CBFA2T3: variants seen among roughly 807,000 people sequenced by gnomAD.
The protein encoded by CBFA2T3 is transcriptional corepressor CBFA2T3.
CBFA2T3 carries 31 observed loss-of-function variants against 58.6 expected under a neutral mutation model. That is an observed-to-expected ratio of 0.53 (90% CI 0.40 to 0.71). The LOEUF is 0.71. CBFA2T3 is among the 30% of genes least tolerant of loss of function. The pLI, the probability that CBFA2T3 is intolerant of heterozygous loss-of-function variation, is 0.00. For synonymous variants in CBFA2T3, 531 were observed against 421.9 expected, an observed-to-expected ratio of 1.26 and a Z score of -3.17; for missense variants, 1,076 against 963.1, an observed-to-expected ratio of 1.12 and a Z score of -1.55.
At chr16:88,908,341 C>CA (rs758798172) in intron 1 of CBFA2T3, among the ~76,000 whole-genome samples, 5,251 of 128,846 alleles carry the variant, frequency 0.041, 113 homozygotes, top group African/African-American at 0.085. Flanking sequence ...GACTCTGTTT[C>CA]AAAAAAAAAA....
chr16:88,966,339 T>TG lies in CBFA2T3; in HGVS notation c.151+10317_151+10318insC, dbSNP rs1972502764. On this transcript the variant is annotated intron_variant, in intron 1 of 11. Coordinates refer to ENST00000268679, the MANE Select transcript of CBFA2T3 (RefSeq NM_005187.6). ...GGCAGGAGTGAGGCCTGTGCCGGGG[T>TG]AGGGGGGTGGCAGCCCCTGTGAGTG... Among the ~76,000 whole-genome samples the TG allele has an allele frequency of 3.5e-4, 53 of 151,782 alleles. 3 individuals are homozygous for TG.
chr16:88,920,728 G>A (rs1970886224), intron 1 of CBFA2T3, among the ~76,000 whole-genome samples: 1 of 152,228 alleles, frequency 6.6e-6, no homozygotes, highest in African/African-American at 2.4e-5. Flanking sequence ...CCGTGGGGCA[G>A]CCACACCTGC....
At chr16:88,925,209 C>T (rs1021850748) in intron 1 of CBFA2T3, among the ~76,000 whole-genome samples, 1 of 152,228 alleles carries the variant, frequency 6.6e-6, no homozygotes, top group African/African-American at 2.4e-5. Context: ...CCTCTCCCAG[C>T]CCCCGGCCTT....
At chr16:88,927,723 C>G (rs1003945766) in intron 1 of CBFA2T3, among the ~76,000 whole-genome samples, 27 of 152,318 alleles carry the variant, frequency 1.8e-4, no homozygotes, top group African/African-American at 6.5e-4. Flanking sequence ...TCCTCCTCCC[C>G]AGGCCCCGGA....
chr16:88,881,572 C>G, intron 8 of CBFA2T3, 83 bp from the exon 9 acceptor site: 1 of 1,433,702 alleles, frequency 7.0e-7, no homozygotes, highest in Non-Finnish European at 9.5e-7. Context: ...GGCCAGAGCC[C>G]CGGACAGGAT....
Position 88,876,991 on chromosome 16 carries a change from G to A in CBFA2T3, c.1947C>T (p.Asp649=). 6.9e-7 allele frequency: 1 copy of A among 1,457,666 alleles called. No individual in the cohort carries two copies. The highest frequency in any genetic ancestry group is 9.0e-7 in the Non-Finnish European group (1 of 1,110,632). 90.3% of individuals were successfully genotyped at this position (1,457,666 alleles called of 1,614,324 possible). A position where few individuals can be genotyped will look rare whatever the true frequency, so the allele number is the denominator to read the frequency against. ...GCCAGTGGGGTCAGCGGGGCACGGT[G>A]TCCAGTGGGCCAGGTGGGCTGGGGG... ...PGSPSPPGPL[D]TVPR Residue 649 remains aspartate (D), a synonymous_variant, in exon 12 of 12, where the codon GAC becomes GAT. Coordinates refer to ENST00000268679, the MANE Select transcript of CBFA2T3 (RefSeq NM_005187.6).
chr16:88,926,278 A>G (rs501671), intron 1 of CBFA2T3, among the ~76,000 whole-genome samples: 21,031 of 152,170 alleles, frequency 0.14, 3,389 homozygotes, highest in African/African-American at 0.39. Context: ...AGGGAGTTCC[A>G]GCACCTAAAA....
chr16:88,908,987 C>G (rs1042475254), intron 1 of CBFA2T3, among the ~76,000 whole-genome samples: 1 of 149,296 alleles, frequency 6.7e-6, no homozygotes, highest in African/African-American at 2.6e-5. Context: ...CCGATCCTCT[C>G]CGTGGGTTTG....
chr16:88,876,197 C>G lies in CBFA2T3; in HGVS notation c.*779G>C, dbSNP rs1968822746. 1 of 231,744 alleles carries G rather than the reference C, an allele frequency of 4.3e-6. No homozygotes were observed. The highest frequency in any genetic ancestry group is 8.6e-6 in the Non-Finnish European group (1 of 116,926). The allele number at this position is 231,744 out of a possible 1,614,324, so 14.4% of individuals were successfully genotyped here. Reference sequence around the variant, plus strand: ...AGGTGTGTCCGGTATCCTTGGCTGGCTAGCTAGCAAGGTAGTTCACAAGTA... The same window carrying G: ...AGGTGTGTCCGGTATCCTTGGCTGGGTAGCTAGCAAGGTAGTTCACAAGTA... On this transcript the variant is annotated 3_prime_UTR_variant, in exon 12 of 12. Coordinates refer to ENST00000268679, the MANE Select transcript of CBFA2T3 (RefSeq NM_005187.6).
intron 1 of CBFA2T3, among the ~76,000 whole-genome samples, chr16:88,920,101 G>A (rs1970862812): frequency 6.6e-6 from 1 of 152,204 alleles, no homozygotes; most frequent in Non-Finnish European, 1.5e-5. Context: ...GAAAGGGTCA[G>A]GCGGTGTGCG....
intron 1 of CBFA2T3, among the ~76,000 whole-genome samples, chr16:88,924,950 AG>A (rs1971037459): frequency 6.6e-6 from 1 of 152,230 alleles, no homozygotes; most frequent in African/African-American, 2.4e-5. Context: ...GGGTGCAGAC[AG>A]TGAAAACTGA....
At chr16:88,882,574 G>GT (rs35438137) in intron 8 of CBFA2T3, 102 bp downstream of exon 8, 66 of 412,822 alleles carry the variant, frequency 1.6e-4, no homozygotes, top group Middle Eastern at 1.5e-3. Context: ...GCATGGCTGT[G>GT]GGCGTGGCTG....
Position 88,967,002 on chromosome 16 carries a change from A to G in CBFA2T3, c.151+9655T>C, listed in dbSNP as rs1972521656. 2.0e-5 allele frequency among the ~76,000 whole-genome samples: 3 copies of G among 152,216 alleles called. No individual in the cohort carries two copies. The South Asian group carries it at 6.2e-4, about 31-fold the overall frequency. On this transcript the variant is annotated intron_variant, in intron 1 of 11. Transcript: ENST00000268679. ...GAAACCATGTGGGCCCCAGGGGACG[A>G]GGGAAAGCATCCTTGATTGAAGCAT...
Position 88,897,341 on chromosome 16 carries a change from C to T in CBFA2T3, c.379+737G>A, listed in dbSNP as rs372050657. Among the ~76,000 whole-genome samples, 87 of 152,336 alleles carry T rather than the reference C, an allele frequency of 5.7e-4. No homozygotes were observed. The East Asian group carries it at 0.011, about 19-fold the overall frequency. On this transcript the variant is annotated intron_variant, in intron 3 of 11. Transcript: ENST00000268679. ...CTCGTTCTTAGAGCCGGGAGTGCCA[C>T]GACAGCCACACCTGGGCCATGCTGC...
At chr16:88,891,225 G>A (rs1010640915) in intron 5 of CBFA2T3, among the ~76,000 whole-genome samples, 1 of 151,932 alleles carries the variant, frequency 6.6e-6, no homozygotes, top group African/African-American at 2.4e-5. Flanking sequence ...CAGTCACACT[G>A]ACCCCTCTGC....
intron 11 of CBFA2T3, 23 bp downstream of exon 11, chr16:88,879,247 T>C: frequency 4.5e-6 from 7 of 1,569,900 alleles, no homozygotes; most frequent in Non-Finnish European, 6.1e-6. Context: ...GGGATGGGTG[T>C]CAGCGTGGCC....
intron 1 of CBFA2T3, among the ~76,000 whole-genome samples, chr16:88,931,870 G>T (rs1971318348): frequency 6.6e-6 from 1 of 152,140 alleles, no homozygotes; most frequent in Non-Finnish European, 1.5e-5. Flanking sequence ...AGGGGATGGG[G>T]AGGAGGGTTT....
At chr16:88,974,485 GC>G (rs1254843768) in intron 1 of CBFA2T3, among the ~76,000 whole-genome samples, 1 of 152,034 alleles carries the variant, frequency 6.6e-6, no homozygotes, top group East Asian at 1.9e-4. Context: ...GAGACGAGGG[GC>G]TGAGGTCCTC....
intron 1 of CBFA2T3, among the ~76,000 whole-genome samples, chr16:88,921,900 A>T (rs1157108999): frequency 6.6e-6 from 1 of 152,122 alleles, no homozygotes; most frequent in Non-Finnish European, 1.5e-5. Flanking sequence ...GGGAATGGGG[A>T]CGCCTCACCC....
Sources: gnomAD v4.1 joint callset for allele counts (sites outside exome capture counted in the v4.1 genomes callset) on GRCh38, gnomAD v4.1.1 for gene constraint, MANE v1.5 for transcripts, NCBI Gene and HGNC (gene_info 2026-07-23, HGNC 2026-07-21) for gene names.